The following ROBO1 variants were observed in gnomAD, a reference collection of about 807,000 sequenced individuals.
ROBO1 encodes the protein roundabout guidance receptor 1, also known as roundabout homolog 1.
Under a neutral mutation model 195.9 loss-of-function variants are expected in ROBO1, and 149 were observed. That is an observed-to-expected ratio of 0.76 (90% confidence interval 0.67 to 0.87). The LOEUF (loss-of-function observed/expected upper bound fraction) is 0.87, where lower values mean the gene tolerates loss of function less well. Among genes scored for constraint, ROBO1 ranks in the 40% least tolerant of loss-of-function variants. The pLI, the probability that ROBO1 is intolerant of heterozygous loss-of-function variation, is 0.00. For missense variants in ROBO1, 1,933 were observed against 2,068.3 expected (o/e 0.93, Z 1.27); for synonymous variants, 816 against 733.2 (o/e 1.11, Z -1.82).
At chr3:78,874,080 C>T (rs572069479) in intron 4 of ROBO1, among the ~76,000 whole-genome samples, 2 of 151,734 alleles carry the variant, frequency 1.3e-5, no homozygotes, top group South Asian at 4.2e-4. Flanking sequence ...CGGGCATAAG[C>T]AAAGATTTTT....
rs189258992 is a variant in ROBO1, at chr3:79,180,000, C to T, written c.89-54461G>A. 1.1e-4 allele frequency among the ~76,000 whole-genome samples: 17 copies of T among 152,328 alleles called. 1 individual carries two copies. In the East Asian group the frequency reaches 2.9e-3, roughly 26 times the overall value. ...ATAGTTTTAAAAATTCTGGTAACCA[C>T]AGTTTTAACTTGTCCCCTTTCTTTT... On this transcript the variant is annotated intron_variant, in intron 2 of 30. Coordinates refer to ENST00000464233, the MANE Select transcript of ROBO1 (RefSeq NM_002941.4).
At chr3:79,721,458 T>C (rs1175115294) in intron 1 of ROBO1, among the ~76,000 whole-genome samples, 1 of 152,064 alleles carries the variant, frequency 6.6e-6, no homozygotes, top group African/African-American at 2.4e-5. Flanking sequence ...CAAATATTGG[T>C]TTTACAAATA....
chr3:79,592,208 C>T (rs1304152465), intron 1 of ROBO1, among the ~76,000 whole-genome samples: 1 of 151,738 alleles, frequency 6.6e-6, no homozygotes, highest in African/African-American at 2.4e-5. Flanking sequence ...ATCAAACATG[C>T]ACATTTTCAC....
chr3:78,746,977 T>G, intron 4 of ROBO1, 77 bp from the exon 5 acceptor site: 1 of 957,394 alleles, frequency 1.0e-6, no homozygotes, highest in East Asian at 3.1e-5. Flanking sequence ...GCAGGAGACA[T>G]TTATTATAAT....
chr3:79,471,251 A>G (rs925753650), intron 2 of ROBO1, among the ~76,000 whole-genome samples: 3 of 152,180 alleles, frequency 2.0e-5, no homozygotes, highest in African/African-American at 7.2e-5. Context: ...CTGGGCAACG[A>G]TTTTCTTGGA....
intron 2 of ROBO1, among the ~76,000 whole-genome samples, chr3:79,552,361 T>A (rs762055113): frequency 8.5e-5 from 13 of 152,092 alleles, no homozygotes; most frequent in Non-Finnish European, 1.5e-4. Flanking sequence ...TTCACATAAA[T>A]TAAGGCAATG....
intron 2 of ROBO1, among the ~76,000 whole-genome samples, chr3:79,181,682 C>G (rs1030639237): frequency 2.0e-5 from 3 of 151,898 alleles, no homozygotes; most frequent in Admixed American, 6.6e-5. Flanking sequence ...CATATTTCAT[C>G]TCTTATTATC....
At position 79,091,445 on chromosome 3, in the gene ROBO1, T is replaced by C. The variant is rs114668366; in HGVS notation, c.172+34011A>G. The stretch of plus-strand genomic sequence containing the variant: ...CTAGATAAAGTATAAAATAATTCCA[T>C]CAGATCTTACTACCTTCATTCCTTA... On this transcript the variant is annotated intron_variant, in intron 3 of 30. Transcript: ENST00000464233. Among the ~76,000 whole-genome samples, 1,196 of 152,236 alleles carry C rather than the reference T, an allele frequency of 7.9e-3. 13 individuals are homozygous for C. Among genetic ancestry groups the C allele is most frequent in the Middle Eastern group, 0.048 (14 of 294 alleles).
chr3:78,808,832 A>T (rs1036675263), intron 4 of ROBO1, among the ~76,000 whole-genome samples: 2 of 152,184 alleles, frequency 1.3e-5, no homozygotes, highest in African/African-American at 4.8e-5. Flanking sequence ...CTTACACCTT[A>T]TACAAAAATG....
At chr3:78,980,494 C>T (rs1294435444) in intron 3 of ROBO1, among the ~76,000 whole-genome samples, 2 of 152,130 alleles carry the variant, frequency 1.3e-5, no homozygotes, top group African/African-American at 4.8e-5. Flanking sequence ...CATTCTTTTC[C>T]AACAGGAGAA....
intron 3 of ROBO1, among the ~76,000 whole-genome samples, chr3:79,050,098 G>A (rs1361483907): frequency 1.3e-5 from 2 of 152,062 alleles, no homozygotes; most frequent in Non-Finnish European, 2.9e-5. Context: ...ACACAGACTG[G>A]CAAATTGGAT....
chr3:78,866,526 A>G (rs1017162437), intron 4 of ROBO1, among the ~76,000 whole-genome samples: 4 of 152,224 alleles, frequency 2.6e-5, no homozygotes, highest in African/African-American at 4.8e-5. Flanking sequence ...TTGAATGTAC[A>G]TGGTTTAAAA....
At chr3:79,054,063 T>A (rs2078756224) in intron 3 of ROBO1, among the ~76,000 whole-genome samples, 1 of 152,078 alleles carries the variant, frequency 6.6e-6, no homozygotes, top group Non-Finnish European at 1.5e-5. Context: ...TCTAACCCCA[T>A]CTCAGCATTT....
intron 3 of ROBO1, among the ~76,000 whole-genome samples, chr3:79,036,320 AG>A (rs1406409034): frequency 1.3e-5 from 2 of 152,142 alleles, no homozygotes; most frequent in African/African-American, 4.8e-5. Flanking sequence ...TTAAATAAAA[AG>A]CAAGTGATGT....
At chr3:78,622,622 T>C (rs1055250849) in intron 26 of ROBO1, among the ~76,000 whole-genome samples, 2 of 152,160 alleles carry the variant, frequency 1.3e-5, no homozygotes, top group Admixed American at 6.5e-5. Context: ...CATTCTCCCA[T>C]CAAGAGAGGT....
chr3:79,349,238 C>T (rs2035249508), intron 2 of ROBO1, among the ~76,000 whole-genome samples: 1 of 152,116 alleles, frequency 6.6e-6, no homozygotes, highest in Non-Finnish European at 1.5e-5. Context: ...GAAGTAAATG[C>T]TTCCTTAGGC....
At chr3:79,193,262 G>T (rs1411968915) in intron 2 of ROBO1, among the ~76,000 whole-genome samples, 1 of 151,640 alleles carries the variant, frequency 6.6e-6, no homozygotes, top group Non-Finnish European at 1.5e-5. Flanking sequence ...GGATACAAAA[G>T]TTTGTGAGTC....
At chr3:79,405,835 CAA>C (rs59127272) in intron 2 of ROBO1, among the ~76,000 whole-genome samples, 2,116 of 152,078 alleles carry the variant, frequency 0.014, 37 homozygotes, top group African/African-American at 0.047. Flanking sequence ...AAGGATGAAA[CAA>C]ATTGTTTTCA....
chr3:79,587,504 T>G (rs1943865397), intron 2 of ROBO1, among the ~76,000 whole-genome samples: 1 of 151,828 alleles, frequency 6.6e-6, no homozygotes, highest in Non-Finnish European at 1.5e-5. Context: ...GCATGTTACA[T>G]TTTTTTCATT....
Sources: gnomAD v4.1 joint callset for allele counts (sites outside exome capture counted in the v4.1 genomes callset) on GRCh38, gnomAD v4.1.1 for gene constraint, MANE v1.5 for transcripts, NCBI Gene and HGNC (gene_info 2026-07-23, HGNC 2026-07-21) for gene names.